LRBA: variants seen among roughly 807,000 people sequenced by gnomAD.
The protein encoded by LRBA is lipopolysaccharide-responsive and beige-like anchor protein.
LRBA carries 176 observed loss-of-function variants against 330.0 expected under a neutral mutation model. The observed-to-expected ratio is 0.53, with a 90% CI of 0.47 to 0.60. LRBA has a LOEUF of 0.60. Ranked by LOEUF, LRBA falls within the 20% of genes least tolerant of loss-of-function variation. The pLI, the probability that LRBA is intolerant of heterozygous loss-of-function variation, is 0.00. For synonymous variants in LRBA, 1,230 were observed against 1,193.0 expected, an observed-to-expected ratio of 1.03 and a Z score of -0.64; for missense variants, 3,259 against 3,444.8, an observed-to-expected ratio of 0.95 and a Z score of 1.35.
intron 34 of LRBA, 84 bp from the exon 35 acceptor site, chr4:150,761,931 C>G (rs1464828534): frequency 1.4e-6 from 1 of 730,712 alleles, no homozygotes; most frequent in East Asian, 2.7e-5. Flanking sequence ...AAAAATATCA[C>G]CCATATCAAT....
At chr4:150,445,962 T>C (rs925938466) in intron 44 of LRBA, among the ~76,000 whole-genome samples, 10 of 152,152 alleles carry the variant, frequency 6.6e-5, no homozygotes, top group Admixed American at 2.0e-4. Context: ...TACTAAATCT[T>C]AATACAAAAA....
chr4:150,691,122 G>A (rs1268460648), intron 36 of LRBA, among the ~76,000 whole-genome samples: 2 of 151,676 alleles, frequency 1.3e-5, no homozygotes, highest in Admixed American at 6.6e-5. Flanking sequence ...AGTAGAGGCG[G>A]GGTTTCACCA....
intron 4 of LRBA, among the ~76,000 whole-genome samples, chr4:150,922,158 G>A (rs1733355490): frequency 6.6e-6 from 1 of 151,998 alleles, no homozygotes; most frequent in Admixed American, 6.6e-5. Flanking sequence ...ACCACACCTG[G>A]CCAAAAACGA....
intron 36 of LRBA, 149 bp from the exon 37 acceptor site, chr4:150,683,866 G>A (rs764201744): frequency 1.4e-5 from 8 of 585,876 alleles, no homozygotes; most frequent in Non-Finnish European, 2.4e-5. Flanking sequence ...TTAGTGATCT[G>A]CTGTCTCAAT....
intron 36 of LRBA, among the ~76,000 whole-genome samples, chr4:150,730,616 G>A (rs111441278): frequency 5.3e-4 from 80 of 150,260 alleles, no homozygotes; most frequent in African/African-American, 1.9e-3. Context: ...CAGGGAGGTG[G>A]AGGTTGCAGT....
intron 37 of LRBA, among the ~76,000 whole-genome samples, chr4:150,639,857 A>G (rs796265132): frequency 7.4e-4 from 59 of 79,354 alleles, no homozygotes; most frequent in African/African-American, 1.1e-3. Flanking sequence ...ATATATATAT[A>G]TATATATATA....
chr4:150,846,227 A>G (rs899548900), intron 26 of LRBA, among the ~76,000 whole-genome samples: 25 of 152,194 alleles, frequency 1.6e-4, no homozygotes, highest in Non-Finnish European at 3.7e-4. Flanking sequence ...TAGAGTGCGT[A>G]ATGATTGAAA....
intron 47 of LRBA, among the ~76,000 whole-genome samples, chr4:150,399,353 G>T (rs1163821424): frequency 6.6e-6 from 1 of 152,084 alleles, no homozygotes; most frequent in African/African-American, 2.4e-5. Flanking sequence ...GGCAAAGTTG[G>T]TTCTCAAGAT....
At chr4:150,756,396 T>G (rs905266610) in intron 35 of LRBA, among the ~76,000 whole-genome samples, 4 of 152,058 alleles carry the variant, frequency 2.6e-5, no homozygotes, top group Non-Finnish European at 5.9e-5. Flanking sequence ...AGATACTAAA[T>G]TTTTTTGCAA....
chr4:150,589,343 A>C (rs1445927485), intron 39 of LRBA, among the ~76,000 whole-genome samples: 1 of 152,172 alleles, frequency 6.6e-6, no homozygotes, highest in African/African-American at 2.4e-5. Flanking sequence ...GTAGGACAAT[A>C]GAAGGGATGC....
intron 2 of LRBA, among the ~76,000 whole-genome samples, chr4:150,982,482 A>C (rs28415994): frequency 0.064 from 9,748 of 152,182 alleles, 463 homozygotes; most frequent in East Asian, 0.18. Flanking sequence ...AGGTTACAGT[A>C]AATATGGGAT....
At position 150,325,898 on chromosome 4, in the gene LRBA, C is replaced by A. The variant is rs1463518746; in HGVS notation, c.7363G>T (p.Ala2455Ser). ...AAACTTCGGATTTGAGCTTCAACAG[C>A]CTGAAAAGGGCAGGGGCAAGTCTGA... is the stretch of plus-strand genomic sequence containing the variant. ...NSITDPVLRE[A>S]VEAQIRSFGQ... The change falls in exon 49 of 57, where the codon GCT becomes TCT. Residue 2455 changes from alanine to serine, a missense_variant and splice_region_variant. Physicochemically the swap from Ala to Ser is moderately conservative, Grantham distance 99. Transcript: ENST00000651943. 6.9e-6 allele frequency: 11 copies of A among 1,597,504 alleles called. No individual in the cohort carries two copies. Among genetic ancestry groups the A allele is most frequent in the Non-Finnish European group, 9.4e-6 (11 of 1,165,572 alleles).
chr4:150,661,886 C>G (rs1581970482), intron 37 of LRBA, among the ~76,000 whole-genome samples: 2 of 152,238 alleles, frequency 1.3e-5, no homozygotes, highest in African/African-American at 4.8e-5. Context: ...TCCCAAACTG[C>G]TGGGATTACA....
At chr4:150,496,106 C>A (rs969207794) in intron 40 of LRBA, among the ~76,000 whole-genome samples, 1 of 151,986 alleles carries the variant, frequency 6.6e-6, no homozygotes, top group African/African-American at 2.4e-5. Context: ...TCAAACCTAT[C>A]TTTTTTAAAA....
chr4:150,574,342 GC>G (rs1277539230), intron 40 of LRBA, among the ~76,000 whole-genome samples: 3 of 152,018 alleles, frequency 2.0e-5, no homozygotes, highest in Admixed American at 2.0e-4. Context: ...AGCACTGAAA[GC>G]CTAAACATCT....
chr4:150,782,538 AGGG>A (rs1314040526), intron 34 of LRBA, among the ~76,000 whole-genome samples: 1 of 152,200 alleles, frequency 6.6e-6, no homozygotes, highest in African/African-American at 2.4e-5. Flanking sequence ...CAAAGAAAAC[AGGG>A]TCTCTCTGCT....
At chr4:150,840,119 T>C (rs1375196805) in intron 28 of LRBA, among the ~76,000 whole-genome samples, 3 of 152,216 alleles carry the variant, frequency 2.0e-5, no homozygotes. Context: ...GAGCCTTATC[T>C]GAAATAGGCT....
intron 36 of LRBA, among the ~76,000 whole-genome samples, chr4:150,704,309 A>T (rs1785399779): frequency 6.6e-6 from 1 of 152,088 alleles, no homozygotes; most frequent in Non-Finnish European, 1.5e-5. Context: ...CTATGTGCCA[A>T]AACATTGTCT....
At chr4:150,504,025 G>T (rs1760689203) in intron 40 of LRBA, among the ~76,000 whole-genome samples, 2 of 152,132 alleles carry the variant, frequency 1.3e-5, no homozygotes, top group Non-Finnish European at 2.9e-5. Context: ...CACGAAGCAA[G>T]AAGAGAAGTT....
Sources: gnomAD v4.1 joint callset for allele counts (sites outside exome capture counted in the v4.1 genomes callset) on GRCh38, gnomAD v4.1.1 for gene constraint, MANE v1.5 for transcripts, NCBI Gene and HGNC (gene_info 2026-07-23, HGNC 2026-07-21) for gene names.